The following THSD7B variants were observed in gnomAD, a reference collection of about 807,000 sequenced individuals.
The protein encoded by THSD7B is thrombospondin type 1 domain containing 7B.
Under a neutral mutation model 213.6 loss-of-function variants are expected in THSD7B, and 138 were observed. That is an observed-to-expected ratio of 0.65 (90% CI 0.56 to 0.74). THSD7B has a LOEUF of 0.74. Among genes scored for constraint, THSD7B ranks in the 30% least tolerant of loss-of-function variants. The pLI is 0.00. For missense variants in THSD7B, 1,931 were observed against 1,991.5 expected, an observed-to-expected ratio of 0.97 and a Z score of 0.58; for synonymous variants, 742 against 687.0, an observed-to-expected ratio of 1.08 and a Z score of -1.25.
chr2:137,396,088 A>G (rs1396807695), intron 12 of THSD7B, among the ~76,000 whole-genome samples: 2 of 149,504 alleles, frequency 1.3e-5, no homozygotes, highest in Non-Finnish European at 3.0e-5. Flanking sequence ...CGGTCTATCA[A>G]TTTTGTTGAT....
chr2:137,625,168 C>T (rs191950230), intron 20 of THSD7B, among the ~76,000 whole-genome samples: 3,237 of 152,012 alleles, frequency 0.021, 70 homozygotes, highest in South Asian at 0.067. Flanking sequence ...AGTTCATGTC[C>T]TTTTTAGGAT....
intron 2 of THSD7B, among the ~76,000 whole-genome samples, chr2:136,895,035 T>C (rs898867986): frequency 2.0e-5 from 3 of 152,204 alleles, no homozygotes; most frequent in Non-Finnish European, 4.4e-5. Context: ...AACCTGGGTT[T>C]GAGCTTAGAT....
chr2:137,274,486 G>T (rs76018572), intron 11 of THSD7B, among the ~76,000 whole-genome samples: 5,036 of 152,190 alleles, frequency 0.033, 93 homozygotes, highest in East Asian at 0.052. Flanking sequence ...GTTGACAAGA[G>T]GCTGTGGCTG....
chr2:137,435,569 G>GT (rs1457385178), intron 14 of THSD7B, among the ~76,000 whole-genome samples: 3 of 152,066 alleles, frequency 2.0e-5, no homozygotes, highest in Non-Finnish European at 4.4e-5. Flanking sequence ...CATTATCATA[G>GT]TTTTTTCTGT....
At position 137,057,095 on chromosome 2, in the gene THSD7B, A is replaced by C. The variant is rs1313530009; in HGVS notation, c.815A>C (p.Asp272Ala). Residue 272 changes from aspartate to alanine, a missense_variant, in exon 3 of 28, where the codon GAT becomes GCT. Coordinates refer to ENST00000409968, the MANE Select transcript of THSD7B (RefSeq NM_001316349.2). ...SGRTVLDFNS[D>A]SNERVTFKHQ... ...AGAACTGTTCTGGATTTTAACTCTG[A>C]TTCAAATGAGCGAGTCACCTTTAAA... 6.2e-7 allele frequency: 1 copy of C among 1,613,898 alleles called. No individual in the cohort carries two copies. Among genetic ancestry groups the C allele is most frequent in the Admixed American group, 1.7e-5 (1 of 60,012 alleles).
chr2:137,082,436 T>C (rs555893273), intron 3 of THSD7B, among the ~76,000 whole-genome samples: 7 of 152,276 alleles, frequency 4.6e-5, no homozygotes, highest in Admixed American at 3.9e-4. Flanking sequence ...GCTACTGCTG[T>C]TGTTTTGCAC....
chr2:137,094,976 T>C lies in THSD7B; in HGVS notation c.1054T>C (p.Cys352Arg). ...CTCCTGGAGCCCCTGCTCCAAGACA[T>C]GCCGTTCAGGGAGTCTCTTGCCAGG... is the stretch of plus-strand genomic sequence containing the variant. Reference protein sequence around the residue: ...WSSWSPCSKTCRSGSLLPGFR... With the variant: ...WSSWSPCSKTRRSGSLLPGFR... The change falls in exon 4 of 28, where the codon TGC (cysteine) becomes CGC (arginine). Residue 352 changes from cysteine to arginine, a missense_variant. Physicochemically the swap from Cys to Arg is radical, Grantham distance 180. Coordinates refer to ENST00000409968, the MANE Select transcript of THSD7B (RefSeq NM_001316349.2). 6.2e-7 allele frequency: 1 copy of C among 1,613,894 alleles called. No homozygotes were observed. Among genetic ancestry groups the C allele is most frequent in the Non-Finnish European group, 8.5e-7 (1 of 1,179,862 alleles).
chr2:137,483,898 A>G (rs1443723975), intron 15 of THSD7B, among the ~76,000 whole-genome samples: 1 of 152,144 alleles, frequency 6.6e-6, no homozygotes, highest in Non-Finnish European at 1.5e-5. Context: ...CTAAAGAAGA[A>G]TCAGTTTTCA....
In THSD7B at chr2:137,372,323, CTTTTTTTTTT is replaced by C. The variant is rs55635315; in HGVS notation, c.2501-33271_2501-33262del. On this transcript the variant is annotated intron_variant, in intron 12 of 27. Coordinates refer to ENST00000409968, the MANE Select transcript of THSD7B (RefSeq NM_001316349.2). ...AGGCCAGAGAGAGTCTGATAATACTCTTTTTTTTTTTTTTTTTTTTTTTTTTTTAATATTT... is the reference window on the plus strand; with the variant it reads ...AGGCCAGAGAGAGTCTGATAATACTCTTTTTTTTTTTTTTTTTTAATATTT... Among the ~76,000 whole-genome samples the C allele has an allele frequency of 1.3e-3, 75 of 57,548 alleles. 2 individuals carry two copies. Among genetic ancestry groups the C allele is most frequent in the African/African-American group, 2.4e-3 (45 of 19,066 alleles). The allele number at this position is 57,548 out of a possible 152,430, so 37.8% of individuals were successfully genotyped here.
intron 15 of THSD7B, 156 bp from the exon 16 acceptor site, chr2:137,563,065 G>A (rs1681155626): frequency 4.2e-6 from 3 of 708,046 alleles, no homozygotes; most frequent in African/African-American, 1.8e-5. Flanking sequence ...ATTCAGAGAA[G>A]CCAAATCTAT....
At chr2:137,193,478 A>G (rs1383077710) in intron 7 of THSD7B, among the ~76,000 whole-genome samples, 1 of 152,186 alleles carries the variant, frequency 6.6e-6, no homozygotes, top group African/African-American at 2.4e-5. Flanking sequence ...AATGGACATT[A>G]TTATTAATCA....
intron 5 of THSD7B, among the ~76,000 whole-genome samples, chr2:137,131,896 G>T (rs1418790824): frequency 2.0e-5 from 3 of 151,930 alleles, no homozygotes; most frequent in African/African-American, 4.8e-5. Flanking sequence ...CTTTAAAGTA[G>T]TTTTTTCCAA....
At chr2:136,796,980 T>TCACACACACACACACACACA (rs58116447) in intron 1 of THSD7B, among the ~76,000 whole-genome samples, 10 of 146,946 alleles carry the variant, frequency 6.8e-5, no homozygotes, top group Non-Finnish European at 7.5e-5. Flanking sequence ...TCATATTTGA[T>TCACACACACACACACACACA]CACACACACA....
rs928248832 is a variant in THSD7B, at chr2:137,211,002, G to T, written c.1724-20042G>T. On this transcript the variant is annotated intron_variant, in intron 7 of 27. Transcript: ENST00000409968. The stretch of plus-strand genomic sequence containing the variant: ...GTTTCTTCCAAACTTTGATTCTGTT[G>T]ATTGCAGGAACATTAACTATTCTTT... Among the ~76,000 whole-genome samples the T allele has an allele frequency of 3.3e-5, 5 of 151,894 alleles. No individual in the cohort carries two copies. The East Asian group carries it at 9.7e-4, about 29-fold the overall frequency.
intron 2 of THSD7B, among the ~76,000 whole-genome samples, chr2:137,049,280 C>T (rs2104869636): frequency 6.6e-6 from 1 of 152,312 alleles, no homozygotes; most frequent in East Asian, 1.9e-4. Flanking sequence ...ATCAGACTCC[C>T]TTCTAAATAT....
intron 2 of THSD7B, among the ~76,000 whole-genome samples, chr2:136,978,302 G>T (rs1348791396): frequency 6.6e-6 from 1 of 152,138 alleles, no homozygotes; most frequent in Non-Finnish European, 1.5e-5. Context: ...ATATCTATCA[G>T]TTCCATTTAA....
chr2:136,796,817 T>C (rs1240283199), intron 1 of THSD7B, among the ~76,000 whole-genome samples: 1 of 151,956 alleles, frequency 6.6e-6, no homozygotes, highest in Non-Finnish European at 1.5e-5. Context: ...AAAGCTTCCA[T>C]TTTAAAGACT....
chr2:137,000,618 A>G (rs1008514014), intron 2 of THSD7B, among the ~76,000 whole-genome samples: 4 of 152,112 alleles, frequency 2.6e-5, no homozygotes, highest in African/African-American at 9.7e-5. Flanking sequence ...AGTTTGCATC[A>G]CTAATACAAA....
At chr2:137,370,237 T>C (rs2104948451) in intron 12 of THSD7B, among the ~76,000 whole-genome samples, 2 of 152,270 alleles carry the variant, frequency 1.3e-5, no homozygotes, top group Admixed American at 1.3e-4. Flanking sequence ...TTTTATTCAC[T>C]CATTCATTCA....
Sources: allele counts gnomAD v4.1 joint callset (sites outside exome capture counted in the v4.1 genomes callset), GRCh38; gene constraint gnomAD v4.1.1; transcripts MANE v1.5; gene names NCBI Gene and HGNC (gene_info 2026-07-23, HGNC 2026-07-21).